The following GPM6A variants were observed in gnomAD, a reference collection of about 807,000 sequenced individuals.
GPM6A encodes the protein neuronal membrane glycoprotein M6-a.
Under a neutral mutation model 32.1 loss-of-function variants are expected in GPM6A, and 7 were observed. The observed-to-expected ratio is 0.22, with a 90% CI of 0.12 to 0.41. The LOEUF (loss-of-function observed/expected upper bound fraction) is 0.41. GPM6A is among the 10% of genes least tolerant of loss of function. The pLI is 1.00. For synonymous variants in GPM6A, 130 were observed against 123.4 expected (o/e 1.05, Z -0.35); for missense variants, 235 against 347.2 (o/e 0.68, Z 2.57).
At chr4:175,677,965 A>T (rs1247965940) in intron 2 of GPM6A, among the ~76,000 whole-genome samples, 1 of 152,190 alleles carries the variant, frequency 6.6e-6, no homozygotes, top group African/African-American at 2.4e-5. Flanking sequence ...GGATATAGCT[A>T]TCTCTATTAA....
At chr4:175,889,504 C>A (rs1737565807) in intron 1 of GPM6A, among the ~76,000 whole-genome samples, 1 of 138,350 alleles carries the variant, frequency 7.2e-6, no homozygotes, top group African/African-American at 3.0e-5. Context: ...AGTGACAGAG[C>A]AAAACCCTGT....
intron 1 of GPM6A, among the ~76,000 whole-genome samples, chr4:175,736,151 A>G (rs1731650348): frequency 6.6e-6 from 1 of 152,040 alleles, no homozygotes; most frequent in Non-Finnish European, 1.5e-5. Context: ...TCAGCCTTCC[A>G]ATTAGTCACA....
At chr4:175,878,948 C>G (rs777604746) in intron 1 of GPM6A, among the ~76,000 whole-genome samples, 2 of 152,174 alleles carry the variant, frequency 1.3e-5, no homozygotes, top group African/African-American at 2.4e-5. Context: ...CCCTTGAATG[C>G]TTTGCTGCTT....
intron 2 of GPM6A, among the ~76,000 whole-genome samples, chr4:175,699,663 G>C (rs571873325): frequency 6.6e-6 from 1 of 151,944 alleles, no homozygotes; most frequent in Non-Finnish European, 1.5e-5. Context: ...GGGGGTGGAG[G>C]GGACTGGGTT....
At chr4:175,829,408 A>C (rs1315823118) in intron 1 of GPM6A, among the ~76,000 whole-genome samples, 1 of 152,040 alleles carries the variant, frequency 6.6e-6, no homozygotes, top group Non-Finnish European at 1.5e-5. Flanking sequence ...TTTAATACCA[A>C]CAATAATTTG....
intron 1 of GPM6A, among the ~76,000 whole-genome samples, chr4:175,784,752 C>T (rs1733734696): frequency 1.3e-5 from 2 of 151,816 alleles, no homozygotes; most frequent in Non-Finnish European, 2.9e-5. Flanking sequence ...TTTGTGTAAT[C>T]ATATATGAGA....
intron 1 of GPM6A, among the ~76,000 whole-genome samples, chr4:175,800,394 G>C (rs954178599): frequency 6.6e-6 from 1 of 152,060 alleles, no homozygotes; most frequent in African/African-American, 2.4e-5. Flanking sequence ...TAATTTCACT[G>C]AATGCAAATT....
At chr4:175,934,299 A>G (rs758368987) in intron 1 of GPM6A, among the ~76,000 whole-genome samples, 1 of 152,202 alleles carries the variant, frequency 6.6e-6, no homozygotes, top group Non-Finnish European at 1.5e-5. Context: ...TGATTCCCCA[A>G]CTTTCATCAA....
At chr4:175,793,986 T>A (rs897177436) in intron 1 of GPM6A, among the ~76,000 whole-genome samples, 1 of 151,836 alleles carries the variant, frequency 6.6e-6, no homozygotes, top group African/African-American at 2.4e-5. Flanking sequence ...ATTTATGTCA[T>A]CTTGATTTGG....
intron 1 of GPM6A, among the ~76,000 whole-genome samples, chr4:175,826,078 G>A (rs779009093): frequency 1.3e-5 from 2 of 151,806 alleles, no homozygotes; most frequent in African/African-American, 2.4e-5. Flanking sequence ...TGAGGCAGGA[G>A]GATGAGCTGA....
At chr4:175,688,179 G>A (rs554492475) in intron 2 of GPM6A, among the ~76,000 whole-genome samples, 19 of 151,798 alleles carry the variant, frequency 1.3e-4, no homozygotes, top group African/African-American at 4.6e-4. Context: ...TTCCTTTTCT[G>A]CACAGAAGCT....
intron 2 of GPM6A, among the ~76,000 whole-genome samples, chr4:175,679,174 A>C (rs1743544239): frequency 1.3e-5 from 2 of 152,056 alleles, no homozygotes; most frequent in African/African-American, 4.8e-5. Flanking sequence ...AATCTGGAAC[A>C]CTTCCACTGT....
At chr4:175,640,243 A>T (rs1001137711) in intron 5 of GPM6A, 49 bp from the exon 6 acceptor site, 1 of 1,403,568 alleles carries the variant, frequency 7.1e-7, no homozygotes, top group Non-Finnish European at 1.0e-6. Flanking sequence ...TTATAGGTAG[A>T]AGAGAAGTCA....
intron 3 of GPM6A, among the ~76,000 whole-genome samples, chr4:175,665,086 C>T (rs113913080): frequency 7.6e-4 from 115 of 152,290 alleles, no homozygotes; most frequent in African/African-American, 2.4e-3. Flanking sequence ...CCCTCTGACA[C>T]GTGGTTCAGC....
At chr4:175,904,170 T>TA (rs1171330530) in intron 1 of GPM6A, among the ~76,000 whole-genome samples, 6 of 152,092 alleles carry the variant, frequency 3.9e-5, no homozygotes, top group African/African-American at 9.7e-5. Context: ...TCATTCTTAA[T>TA]AAAAAAAGTT....
chr4:175,725,613 G>A (rs2111127039), intron 1 of GPM6A, among the ~76,000 whole-genome samples: 1 of 152,112 alleles, frequency 6.6e-6, no homozygotes, highest in East Asian at 1.9e-4. Context: ...TGCCAAATGA[G>A]GAGTGTTATA....
chr4:175,845,587 C>T (rs971641844), intron 1 of GPM6A, among the ~76,000 whole-genome samples: 1 of 152,048 alleles, frequency 6.6e-6, no homozygotes, highest in African/African-American at 2.4e-5. Context: ...CTTCTTGAAA[C>T]AAGGAACAGA....
At chr4:175,675,473 C>T (rs1743311384) in intron 2 of GPM6A, among the ~76,000 whole-genome samples, 1 of 152,004 alleles carries the variant, frequency 6.6e-6, no homozygotes, top group Admixed American at 6.6e-5. Context: ...GTTAATACAG[C>T]ACCAATATAT....
chr4:175,812,737 C>T, upstream of GPM6A: 3 of 985,530 alleles, frequency 3.0e-6, no homozygotes, highest in Non-Finnish European at 3.6e-6. Flanking sequence ...GTAATTCCCC[C>T]CTTCATTCCA....
Sources: allele counts gnomAD v4.1 joint callset (sites outside exome capture counted in the v4.1 genomes callset), GRCh38; gene constraint gnomAD v4.1.1; transcripts MANE v1.5; gene names NCBI Gene and HGNC (gene_info 2026-07-23, HGNC 2026-07-21).